MORC1: variants seen among roughly 807,000 people sequenced by gnomAD.
MORC1 encodes MORC family CW-type zinc finger 1.
In MORC1, 59 loss-of-function variants were observed where a neutral mutation model predicts 134.9. That is an observed-to-expected ratio of 0.44 (90% CI 0.35 to 0.54). The LOEUF (loss-of-function observed/expected upper bound fraction) is 0.54, where lower values mean the gene tolerates loss of function less well. MORC1 is among the 20% of genes least tolerant of loss of function. The probability of loss-of-function intolerance (pLI) is 0.00; values close to 1 mark genes in which losing one functional copy is unlikely to be tolerated. For missense variants in MORC1, 947 were observed against 1,134.5 expected (o/e 0.83, Z 2.37); for synonymous variants, 395 against 391.7 (o/e 1.01, Z -0.10).
At chr3:108,980,988 C>G (rs1259795039) in intron 23 of MORC1, among the ~76,000 whole-genome samples, 1 of 152,008 alleles carries the variant, frequency 6.6e-6, no homozygotes, top group Non-Finnish European at 1.5e-5. Context: ...GGCATGGGAA[C>G]AAGGTGATCT....
chr3:109,068,638 T>C (rs975762329), intron 9 of MORC1, among the ~76,000 whole-genome samples: 1 of 152,216 alleles, frequency 6.6e-6, no homozygotes, highest in Admixed American at 6.5e-5. Context: ...GTTGGCTCCA[T>C]GATTTTGCCA....
At chr3:108,990,038 C>T (rs749934210) in intron 21 of MORC1, among the ~76,000 whole-genome samples, 2 of 152,040 alleles carry the variant, frequency 1.3e-5, no homozygotes, top group African/African-American at 2.4e-5. Context: ...TTATAAAGGG[C>T]AGTTCCCCTA....
intron 8 of MORC1, among the ~76,000 whole-genome samples, chr3:109,087,834 G>T (rs1016789809): frequency 9.9e-5 from 15 of 151,966 alleles, no homozygotes; most frequent in African/African-American, 3.6e-4. Flanking sequence ...TTATACTAAA[G>T]GGGTACAGTA....
intron 26 of MORC1, among the ~76,000 whole-genome samples, chr3:108,968,456 G>C (rs1416483881): frequency 6.6e-6 from 1 of 152,162 alleles, no homozygotes; most frequent in East Asian, 1.9e-4. Context: ...GGTTCTACTT[G>C]TCAAGTTTGC....
chr3:109,099,524 C>T (rs1204720621), intron 5 of MORC1, 58 bp from the exon 6 acceptor site: 48 of 1,289,750 alleles, frequency 3.7e-5, no homozygotes, highest in Non-Finnish European at 5.0e-5. Context: ...AAGGAAGAAA[C>T]AGGCAGACTG....
intron 14 of MORC1, 150 bp from the exon 15 acceptor site, chr3:109,035,618 G>T (rs1314133027): frequency 4.1e-6 from 2 of 493,350 alleles, no homozygotes; most frequent in African/African-American, 2.0e-5. Context: ...ATCAATATTG[G>T]TTGTCTCTGA....
chr3:108,995,110 G>A (rs1478342770), intron 21 of MORC1, among the ~76,000 whole-genome samples: 1 of 152,164 alleles, frequency 6.6e-6, no homozygotes, highest in Admixed American at 6.5e-5. Flanking sequence ...AGGGTGGTAT[G>A]GAGTTTGCCT....
rs142513407 is a variant in MORC1, at chr3:109,110,618, G to A, written c.154+131C>T. ...CACCCTGGCTCCCCACAGGGTCACT[G>A]TACCCACAAAGCACTTAGATTACAT... On this transcript the variant is annotated intron_variant, in intron 3 of 27. Transcript: ENST00000232603. 453 of 752,624 alleles carry A rather than the reference G, an allele frequency of 6.0e-4. No homozygotes were observed. In the African/African-American group the frequency reaches 7.7e-3, roughly 13 times the overall value. The allele number at this position is 752,624 out of a possible 1,614,324, so 46.6% of individuals were successfully genotyped here. A position where few individuals can be genotyped will look rare whatever the true frequency, so the allele number is the denominator to read the frequency against.
chr3:109,000,546 G>C lies in MORC1; in HGVS notation c.2187+11C>G, dbSNP rs1199269996. On this transcript the variant is annotated intron_variant, in intron 21 of 27. Coordinates refer to ENST00000232603, the MANE Select transcript of MORC1 (RefSeq NM_014429.4). The stretch of plus-strand genomic sequence containing the variant: ...ATCTCAAGGTGTCATTTAGTGTATA[G>C]TTTATCTCACCAGGATTATATCTGA... 4 of 1,568,778 alleles carry C rather than the reference G, an allele frequency of 2.5e-6. No homozygotes were observed. Among genetic ancestry groups the C allele is most frequent in the South Asian group, 2.3e-5 (2 of 85,386 alleles).
At chr3:109,066,225 A>G (rs1428255915) in intron 9 of MORC1, among the ~76,000 whole-genome samples, 1 of 152,078 alleles carries the variant, frequency 6.6e-6, no homozygotes, top group Non-Finnish European at 1.5e-5. Flanking sequence ...TTTAATTTAC[A>G]TGTTGTTTTT....
intron 26 of MORC1, among the ~76,000 whole-genome samples, chr3:108,965,466 A>G (rs1947193717): frequency 6.6e-6 from 1 of 152,200 alleles, no homozygotes; most frequent in Non-Finnish European, 1.5e-5. Context: ...GATGGAGAAC[A>G]TATTAGTGGA....
In MORC1 at chr3:109,117,851, T is replaced by TA. The variant is rs140248562; in HGVS notation, c.65+143dup. ...TATCTTTATTATGCTTTCATCGTTT[T>TA]AAAAAAAGCCTATACAGCTCAAATA... On this transcript the variant is annotated intron_variant, in intron 1 of 27. Coordinates refer to ENST00000232603, the MANE Select transcript of MORC1 (RefSeq NM_014429.4). 9.6e-3 allele frequency: 7,015 copies of TA among 727,712 alleles called. 341 individuals are homozygous for TA. The African/African-American group carries it at 0.11, about 11-fold the overall frequency. 45.1% of individuals were successfully genotyped at this position (727,712 alleles called of 1,614,324 possible). A position where few individuals can be genotyped will look rare whatever the true frequency, so the allele number is the denominator to read the frequency against.
At chr3:109,051,403 T>C (rs1490391036) in intron 14 of MORC1, among the ~76,000 whole-genome samples, 1 of 152,262 alleles carries the variant, frequency 6.6e-6, no homozygotes, top group African/African-American at 2.4e-5. Flanking sequence ...TCAAATATTA[T>C]ATAACTTTGG....
chr3:108,976,150 T>C (rs1434660465), intron 24 of MORC1, among the ~76,000 whole-genome samples: 1 of 152,146 alleles, frequency 6.6e-6, no homozygotes, highest in Non-Finnish European at 1.5e-5. Flanking sequence ...AATGAGTATG[T>C]ACAGTAAAAA....
intron 8 of MORC1, among the ~76,000 whole-genome samples, chr3:109,090,795 C>T (rs1034949462): frequency 3.9e-5 from 6 of 151,904 alleles, no homozygotes; most frequent in African/African-American, 1.5e-4. Context: ...ATATCTAAGA[C>T]CAAACCTGAA....
intron 2 of MORC1, among the ~76,000 whole-genome samples, chr3:109,111,177 G>A (rs1219396824): frequency 2.0e-5 from 3 of 150,602 alleles, no homozygotes; most frequent in South Asian, 2.1e-4. Context: ...ACTATAAGAA[G>A]ACATTTTAAA....
chr3:109,059,851 A>G lies in MORC1; in HGVS notation c.986T>C (p.Leu329Ser). 1 of 1,612,706 alleles carries G rather than the reference A, an allele frequency of 6.2e-7. No individual in the cohort carries two copies. Among genetic ancestry groups the G allele is most frequent in the Non-Finnish European group, 8.5e-7 (1 of 1,179,336 alleles). ...SSAKDVLQRA[L>S]EDVEAKQKNL... is the part of the protein sequence containing the mutation. ...CTTTTGCTTTGCTTCTACATCTTCC[A>G]AAGCTCTCTGTAATACATCCTGGAG... Residue 329 changes from leucine (L) to serine (S), a missense_variant, in exon 12 of 28, where the codon TTG (leucine) becomes TCG (serine). Leu to Ser is a moderately radical substitution (Grantham distance 145). Coordinates refer to ENST00000232603, the MANE Select transcript of MORC1 (RefSeq NM_014429.4).
chr3:108,978,122 C>T (rs1198624437), intron 24 of MORC1, among the ~76,000 whole-genome samples: 1 of 152,150 alleles, frequency 6.6e-6, no homozygotes, highest in Non-Finnish European at 1.5e-5. Context: ...CATGATCCGC[C>T]CACCTCGGCC....
intron 23 of MORC1, 65 bp downstream of exon 23, chr3:108,984,651 T>G (rs1187030324): frequency 8.3e-7 from 1 of 1,200,126 alleles, no homozygotes; most frequent in African/African-American, 1.6e-5. Context: ...ATTTAAACAT[T>G]GATAATTACT....
Sources: allele counts gnomAD v4.1 joint callset (sites outside exome capture counted in the v4.1 genomes callset), GRCh38; gene constraint gnomAD v4.1.1; transcripts MANE v1.5; gene names NCBI Gene and HGNC (gene_info 2026-07-23, HGNC 2026-07-21).